Variants in ARHGEF33 observed in about 807,000 individuals in gnomAD.
The protein encoded by ARHGEF33 is Rho guanine nucleotide exchange factor 33.
Under a neutral mutation model 101.9 loss-of-function variants are expected in ARHGEF33, and 72 were observed. The ratio of observed to expected loss-of-function variants is 0.71; its 90% CI spans 0.58 to 0.86. The LOEUF is 0.86. Ranked by LOEUF, ARHGEF33 falls within the 40% of genes least tolerant of loss-of-function variation. ARHGEF33 has a pLI of 0.00. For missense variants in ARHGEF33, 1,169 were observed against 1,111.3 expected (o/e 1.05, Z -0.74); for synonymous variants, 499 against 442.5 (o/e 1.13, Z -1.60).
intron 3 of ARHGEF33, among the ~76,000 whole-genome samples, chr2:38,920,963 C>T (rs905456574): frequency 3.9e-5 from 6 of 152,102 alleles, no homozygotes; most frequent in East Asian, 3.9e-4. Context: ...TATGCAAGCT[C>T]GCTGAGGTCA....
Position 38,909,309 on chromosome 2 carries a change from T to C in ARHGEF33, c.-85-10054T>C, listed in dbSNP as rs964910464. ...GTGGCAGAGTCCTATTTTAATTCTT[T>C]TATTTATTTCATTAAAAAAAATTTT... On this transcript the variant is annotated intron_variant, in intron 2 of 17. Coordinates refer to ENST00000409978, the MANE Select transcript of ARHGEF33 (RefSeq NM_001145451.5). Among the ~76,000 whole-genome samples the C allele has an allele frequency of 2.6e-5, 4 of 152,090 alleles. No homozygotes were observed. The South Asian group carries it at 6.2e-4, about 24-fold the overall frequency.
intron 12 of ARHGEF33, among the ~76,000 whole-genome samples, chr2:38,954,053 A>G (rs1667680712): frequency 6.6e-6 from 1 of 152,212 alleles, no homozygotes; most frequent in East Asian, 1.9e-4. Context: ...GAGAGTCTTA[A>G]TGAATTAATT....
intron 1 of ARHGEF33, among the ~76,000 whole-genome samples, chr2:38,893,157 C>CTTTTTT (rs11302987): frequency 1.6e-5 from 2 of 122,302 alleles, no homozygotes; most frequent in Non-Finnish European, 3.7e-5. Context: ...TCTGGTAATC[C>CTTTTTT]TTTTTTTTTT....
intron 13 of ARHGEF33, 43 bp from the exon 14 acceptor site, chr2:38,956,856 C>T: frequency 1.3e-6 from 2 of 1,543,862 alleles, no homozygotes; most frequent in Non-Finnish European, 1.8e-6. Flanking sequence ...AACAAATTTT[C>T]ATGCTGATTA....
At chr2:38,893,348 CAG>C (rs1666048980) in intron 1 of ARHGEF33, among the ~76,000 whole-genome samples, 1 of 151,952 alleles carries the variant, frequency 6.6e-6, no homozygotes, top group South Asian at 2.1e-4. Context: ...TTAGTAGAGA[CAG>C]AGTTTCACTA....
intron 8 of ARHGEF33, among the ~76,000 whole-genome samples, chr2:38,936,154 C>G (rs1022296393): frequency 1.3e-5 from 2 of 152,194 alleles, no homozygotes; most frequent in Non-Finnish European, 2.9e-5. Flanking sequence ...TTCCGTGGAT[C>G]ACACACTGTA....
Position 38,960,511 on chromosome 2 carries a change from G to T in ARHGEF33, c.2206G>T (p.Ala736Ser). The T allele has an allele frequency of 7.4e-7, 1 of 1,344,624 alleles. No homozygotes were observed. Among genetic ancestry groups the T allele is most frequent in the East Asian group, 3.1e-5 (1 of 31,776 alleles). 83.3% of individuals were successfully genotyped at this position (1,344,624 alleles called of 1,614,324 possible). A position where few individuals can be genotyped will look rare whatever the true frequency, so the allele number is the denominator to read the frequency against. The change falls in exon 16 of 18, where the codon GCG becomes TCG. Residue 736 changes from alanine (A) to serine (S), a missense_variant. By Grantham distance (99) the Ala-to-Ser change is moderately conservative. Transcript: ENST00000409978. ...CACGCGCAGCAGCAGCGGCGGCCGC[G>T]CGCCCATCAAGGCCGAGCGCGCCGC... is the stretch of plus-strand genomic sequence containing the variant. Reference protein sequence around the residue: ...YSTRSSSGGRAPIKAERAAQA... With the variant: ...YSTRSSSGGRSPIKAERAAQA...
chr2:38,944,209 C>T (rs1037783835), intron 10 of ARHGEF33, among the ~76,000 whole-genome samples, 179 bp downstream of exon 10: 1 of 152,172 alleles, frequency 6.6e-6, no homozygotes, highest in African/African-American at 2.4e-5. Context: ...GACAGAATAT[C>T]GTAGACTGGA....
chr2:38,920,109 C>T (rs10181808), intron 3 of ARHGEF33, among the ~76,000 whole-genome samples: 1 of 152,034 alleles, frequency 6.6e-6, no homozygotes, highest in Non-Finnish European at 1.5e-5. Flanking sequence ...TATTATTTAT[C>T]GACTTAAATA....
chr2:38,941,582 C>G (rs1667308606), intron 9 of ARHGEF33, among the ~76,000 whole-genome samples: 1 of 150,842 alleles, frequency 6.6e-6, no homozygotes, highest in African/African-American at 2.4e-5. Flanking sequence ...GAGTCTTGCA[C>G]TGTCACCCAG....
intron 2 of ARHGEF33, among the ~76,000 whole-genome samples, chr2:38,904,707 C>A (rs1177577803): frequency 1.9e-3 from 248 of 128,450 alleles, no homozygotes; most frequent in Middle Eastern, 3.8e-3. Context: ...GACTCTGTAT[C>A]AAAAAAAAAA....
intron 15 of ARHGEF33, 94 bp downstream of exon 15, chr2:38,958,292 C>T: frequency 6.9e-7 from 1 of 1,456,946 alleles, no homozygotes; most frequent in Non-Finnish European, 9.2e-7. Flanking sequence ...TTCCTCCATC[C>T]CCTTTCCCCA....
At chr2:38,924,589 A>T (rs1008169724) in intron 4 of ARHGEF33, among the ~76,000 whole-genome samples, 6 of 152,224 alleles carry the variant, frequency 3.9e-5, no homozygotes, top group South Asian at 4.1e-4. Context: ...GAATGTAAAC[A>T]GTGTGGCTTC....
At chr2:38,904,001 A>G (rs1355826467) in intron 2 of ARHGEF33, among the ~76,000 whole-genome samples, 1 of 152,206 alleles carries the variant, frequency 6.6e-6, no homozygotes, top group East Asian at 1.9e-4. Context: ...TGTACCAGGG[A>G]TAATAAGAGG....
intron 2 of ARHGEF33, among the ~76,000 whole-genome samples, chr2:38,917,055 C>A (rs796504581): frequency 2.0e-5 from 3 of 149,510 alleles, no homozygotes; most frequent in African/African-American, 7.4e-5. Flanking sequence ...CCACCTTGGC[C>A]TTCCAAAGTG....
chr2:38,902,922 T>C (rs1285822700), intron 2 of ARHGEF33, among the ~76,000 whole-genome samples: 1 of 152,148 alleles, frequency 6.6e-6, no homozygotes, highest in Non-Finnish European at 1.5e-5. Context: ...AAAGAAGGCC[T>C]TTCTAATAAA....
intron 15 of ARHGEF33, chr2:38,959,305 A>G (rs879091210): frequency 6.6e-6 from 1 of 152,274 alleles, no homozygotes; most frequent in Non-Finnish European, 1.5e-5. Context: ...GACAAGGAAT[A>G]TTTTAAAATT....
intron 2 of ARHGEF33, among the ~76,000 whole-genome samples, chr2:38,900,726 T>G (rs1028345812): frequency 5.9e-5 from 9 of 152,074 alleles, no homozygotes; most frequent in Non-Finnish European, 1.0e-4. Flanking sequence ...GAGGTGGAGT[T>G]AGTGAGATGG....
rs1667780283 is a variant in ARHGEF33, at chr2:38,956,885, T to C, written c.1222-14T>C. The stretch of plus-strand genomic sequence containing the variant: ...CTGATTATGCAATGCTACTTCCTTT[T>C]CCCCTCCATCCAGAACGTCCTGAAG... On this transcript the variant is annotated splice_polypyrimidine_tract_variant and intron_variant, in intron 13 of 17. Coordinates refer to ENST00000409978, the MANE Select transcript of ARHGEF33 (RefSeq NM_001145451.5). 6.4e-7 allele frequency: 1 copy of C among 1,551,234 alleles called. No homozygotes were observed. Among genetic ancestry groups the C allele is most frequent in the African/African-American group, 1.4e-5 (1 of 73,028 alleles).
Sources: gnomAD v4.1 joint callset for allele counts (sites outside exome capture counted in the v4.1 genomes callset) on GRCh38, gnomAD v4.1.1 for gene constraint, MANE v1.5 for transcripts, NCBI Gene and HGNC (gene_info 2026-07-23, HGNC 2026-07-21) for gene names.